CREB3L1: variants seen among roughly 807,000 people sequenced by gnomAD.
CREB3L1 encodes cAMP responsive element binding protein 3 like 1.
A neutral mutation model predicts 54.5 loss-of-function variants in CREB3L1; 33 were observed. That is an observed-to-expected ratio of 0.61 (90% confidence interval 0.46 to 0.81). The LOEUF (loss-of-function observed/expected upper bound fraction) is 0.81. Ranked by LOEUF, CREB3L1 falls within the 30% of genes least tolerant of loss-of-function variation. The probability of loss-of-function intolerance (pLI) is 0.00; values close to 1 mark genes in which losing one functional copy is unlikely to be tolerated. For synonymous variants in CREB3L1, 284 were observed against 286.4 expected, an observed-to-expected ratio of 0.99 and a Z score of 0.08; for missense variants, 656 against 673.3, an observed-to-expected ratio of 0.97 and a Z score of 0.29.
Position 46,320,838 on chromosome 11 carries a change from T to C in CREB3L1, c.*92T>C, listed in dbSNP as rs76668011. 1.5e-4 allele frequency: 190 copies of C among 1,309,006 alleles called. No homozygotes were observed. In the East Asian group the frequency reaches 2.7e-3, roughly 19 times the overall value. The allele number at this position is 1,309,006 out of a possible 1,614,324, so 81.1% of individuals were successfully genotyped here. On this transcript the variant is annotated 3_prime_UTR_variant, in exon 12 of 12. Coordinates refer to ENST00000621158, the MANE Select transcript of CREB3L1 (RefSeq NM_052854.4). ...CCCGGATCCGCCTCGTGCCCCTGCC[T>C]CCTGGAGCTTCCCATTCCAGGAGAA...
Position 46,278,033 on chromosome 11 carries a change from G to A in CREB3L1, c.-79G>A. 2.7e-6 allele frequency: 2 copies of A among 745,860 alleles called. No homozygotes were observed. Among genetic ancestry groups the A allele is most frequent in the Non-Finnish European group, 4.0e-6 (2 of 498,312 alleles). 46.2% of individuals were successfully genotyped at this position (745,860 alleles called of 1,614,324 possible). ...CCCCCGCCCGTTTGCCAGCGCTCAG[G>A]CAGGAGCTCTGGACTGGGCGCGCCG... On this transcript the variant is annotated 5_prime_UTR_variant, in exon 1 of 12. Transcript: ENST00000621158. This position sits in a 1 kb window ranked among gnomAD's most constrained non-coding sequence, Gnocchi z 4.2.
At chr11:46,312,247 T>C in intron 5 of CREB3L1, 78 bp from the exon 6 acceptor site, 1 of 1,289,876 alleles carries the variant, frequency 7.8e-7, no homozygotes, top group South Asian at 1.4e-5. Flanking sequence ...GCCCAGGTCA[T>C]ATAGATAGCA....
rs1938907453 is a variant in CREB3L1, at chr11:46,278,203, T to A, written c.92T>A (p.Leu31His). Residue 31 changes from leucine to histidine, a missense_variant, in exon 1 of 12, where the codon CTC becomes CAC. Transcript: ENST00000621158. The surrounding 1 kb of genome is among the most constrained non-coding windows in gnomAD (Gnocchi z 4.2). ...GGGGATCTGAACGAGTCGGACTTCCTCAACAATGCGGTAAGATGAAGGGTC... is the reference window on the plus strand; with the variant it reads ...GGGGATCTGAACGAGTCGGACTTCCACAACAATGCGGTAAGATGAAGGGTC... ...DLGDLNESDF[L>H]NNAHFPEHLD... is the part of the protein sequence containing the mutation. 1 of 1,565,940 alleles carries A rather than the reference T, an allele frequency of 6.4e-7. No individual in the cohort carries two copies. The highest frequency in any genetic ancestry group is 8.7e-7 in the Non-Finnish European group (1 of 1,154,724).
At chr11:46,305,463 G>T (rs1035189207) in intron 2 of CREB3L1, among the ~76,000 whole-genome samples, 3 of 151,472 alleles carry the variant, frequency 2.0e-5, no homozygotes, top group Non-Finnish European at 2.9e-5. Context: ...CTTTGCTCAG[G>T]CCTCCCCTTC....
At position 46,278,256 on chromosome 11, in the gene CREB3L1, C is replaced by T. The variant is rs905133656; in HGVS notation, c.102+43C>T. The T allele has an allele frequency of 1.5e-6, 2 of 1,359,292 alleles. No homozygotes were observed. The highest frequency in any genetic ancestry group is 2.9e-5 in the African/African-American group (2 of 68,354). 84.2% of individuals were successfully genotyped at this position (1,359,292 alleles called of 1,614,324 possible). On this transcript the variant is annotated intron_variant, in intron 1 of 11. Transcript: ENST00000621158. This position sits in a 1 kb window ranked among gnomAD's most constrained non-coding sequence, Gnocchi z 4.2. ...CGTTCCCGTTCCACCCCTCGGCACC[C>T]GTCCTCGCGGCGCGCCTGGGCCCCT...
At chr11:46,309,653 C>T (rs1361158856) in intron 3 of CREB3L1, among the ~76,000 whole-genome samples, 3 of 152,220 alleles carry the variant, frequency 2.0e-5, no homozygotes, top group Non-Finnish European at 2.9e-5. Flanking sequence ...CCAGACATTA[C>T]CTCTTGTTTT....
At chr11:46,284,989 T>C (rs1164928730) in intron 1 of CREB3L1, among the ~76,000 whole-genome samples, 1 of 152,152 alleles carries the variant, frequency 6.6e-6, no homozygotes, top group Non-Finnish European at 1.5e-5. Context: ...TCACACCCTA[T>C]CAGATTCACC....
chr11:46,278,519 A>G lies in CREB3L1; in HGVS notation c.102+306A>G, dbSNP rs1213148403. On this transcript the variant is annotated intron_variant, in intron 1 of 11. Coordinates refer to ENST00000621158, the MANE Select transcript of CREB3L1 (RefSeq NM_052854.4). The surrounding 1 kb of genome is among the most constrained non-coding windows in gnomAD (Gnocchi z 4.2). ...CACCCACGTCTTCTAGCCGTCCCCAACCCACCCCAGGTTCCAGGACCAGAC... is the reference window on the plus strand; with the variant it reads ...CACCCACGTCTTCTAGCCGTCCCCAGCCCACCCCAGGTTCCAGGACCAGAC... Among the ~76,000 whole-genome samples, 2 of 151,996 alleles carry G rather than the reference A, an allele frequency of 1.3e-5. No homozygotes were observed. Among genetic ancestry groups the G allele is most frequent in the African/African-American group, 4.8e-5 (2 of 41,370 alleles).
intron 1 of CREB3L1, among the ~76,000 whole-genome samples, chr11:46,299,010 C>G (rs1245071839): frequency 6.6e-6 from 1 of 152,100 alleles, no homozygotes; most frequent in Non-Finnish European, 1.5e-5. Context: ...ATTTTTCAGA[C>G]TTTTTTGTTT....
At chr11:46,292,512 T>C (rs1939144688) in intron 1 of CREB3L1, among the ~76,000 whole-genome samples, 1 of 152,198 alleles carries the variant, frequency 6.6e-6, no homozygotes, top group Non-Finnish European at 1.5e-5. Flanking sequence ...CATTTGAAGC[T>C]ACACCAAGGA....
In CREB3L1 at chr11:46,316,327, C is replaced by G. The variant is rs1255957152; in HGVS notation, c.1073C>G (p.Thr358Ser). Residue 358 changes from threonine (T) to serine (S), a missense_variant, in exon 9 of 12, where the codon ACC (threonine) becomes AGC (serine). Physicochemically the swap from Thr to Ser is moderately conservative, Grantham distance 58. Transcript: ENST00000621158. Reference protein sequence around the residue: ...QQLQKLQTLVTNKISRPYKMA... With the variant: ...QQLQKLQTLVSNKISRPYKMA... Reference sequence around the variant, plus strand: ...CTGCAGAAACTCCAGACTCTGGTCACCAACAAGATCTCCAGACCTTACAAG... The same window carrying G: ...CTGCAGAAACTCCAGACTCTGGTCAGCAACAAGATCTCCAGACCTTACAAG... 35 of 1,575,368 alleles carry G rather than the reference C, an allele frequency of 2.2e-5. No individual in the cohort carries two copies. The highest frequency in any genetic ancestry group is 3.0e-5 in the Non-Finnish European group (35 of 1,160,788).
In CREB3L1 at chr11:46,307,916, C is replaced by T; in HGVS notation, c.432C>T (p.Pro144=). 2 of 1,571,736 alleles carry T rather than the reference C, an allele frequency of 1.3e-6. No individual in the cohort carries two copies. Among genetic ancestry groups the T allele is most frequent in the African/African-American group, 1.4e-5 (1 of 73,684 alleles). ...PELPVDPLAA[P]SAMAAAAAMA... ...TGCCCGTGGACCCTCTGGCTGCCCC[C>T]TCGGCCATGGCTGCCGCGGCCGCCA... is the stretch of plus-strand genomic sequence containing the variant. Residue 144 remains proline (P), a synonymous_variant, in exon 3 of 12, where the codon CCC becomes CCT. Coordinates refer to ENST00000621158, the MANE Select transcript of CREB3L1 (RefSeq NM_052854.4).
At chr11:46,309,636 C>T (rs755515294) in intron 3 of CREB3L1, among the ~76,000 whole-genome samples, 7 of 152,198 alleles carry the variant, frequency 4.6e-5, no homozygotes, top group Non-Finnish European at 7.3e-5. Flanking sequence ...TGAACAGCTA[C>T]ACTGTTCCAG....
At chr11:46,305,712 G>A (rs1218167514) in intron 2 of CREB3L1, among the ~76,000 whole-genome samples, 2 of 118,512 alleles carry the variant, frequency 1.7e-5, no homozygotes, top group African/African-American at 7.8e-5. Context: ...GTGTGTGTGT[G>A]TGTGTGTGTG....
At chr11:46,316,643 G>C (rs1939571658) in intron 9 of CREB3L1, among the ~76,000 whole-genome samples, 1 of 152,200 alleles carries the variant, frequency 6.6e-6, no homozygotes, top group South Asian at 2.1e-4. Flanking sequence ...GCCCCAGCTA[G>C]GGGACAGCTG....
intron 1 of CREB3L1, among the ~76,000 whole-genome samples, chr11:46,288,061 CTTTTT>C (rs540525800): frequency 6.6e-6 from 1 of 151,660 alleles, no homozygotes; most frequent in Non-Finnish European, 1.5e-5. Flanking sequence ...CAATTACACT[CTTTTT>C]TTTATTTTAT....
At chr11:46,302,564 A>G (rs1284028074) in intron 2 of CREB3L1, among the ~76,000 whole-genome samples, 1 of 152,248 alleles carries the variant, frequency 6.6e-6, no homozygotes, top group East Asian at 1.9e-4. Flanking sequence ...GCAAATAACA[A>G]TAAACATTTC....
intron 2 of CREB3L1, among the ~76,000 whole-genome samples, chr11:46,300,702 C>T (rs1382639560): frequency 6.6e-6 from 1 of 150,760 alleles, no homozygotes; most frequent in East Asian, 2.0e-4. Context: ...GAAACCCCGT[C>T]TCTACTAAAA....
rs1938892378 is a variant in CREB3L1, at chr11:46,277,706, AGAG to A, written c.-402_-400del. The stretch of plus-strand genomic sequence containing the variant: ...GACGTGCGGAGGGAGACGCAGAGAC[AGAG>A]GAGAGGCCGGCAGCCACCCAGTCTC... On this transcript the variant is annotated 5_prime_UTR_variant, in exon 1 of 12. Transcript: ENST00000621158. 1.5e-5 allele frequency: 3 copies of A among 206,610 alleles called. No homozygotes were observed. Among genetic ancestry groups the A allele is most frequent in the South Asian group, 3.8e-4 (2 of 5,272 alleles). The allele number at this position is 206,610 out of a possible 1,614,324, so 12.8% of individuals were successfully genotyped here.
Sources: gnomAD v4.1 joint callset for allele counts (sites outside exome capture counted in the v4.1 genomes callset) on GRCh38, gnomAD v4.1.1 for gene constraint, Gnocchi (gnomAD v3.1) non-coding constraint, MANE v1.5 for transcripts, NCBI Gene and HGNC (gene_info 2026-07-23, HGNC 2026-07-21) for gene names.